Variants in GLYATL2 observed in about 807,000 individuals in gnomAD.
GLYATL2 encodes glycine N-acyltransferase-like protein 2.
A neutral mutation model predicts 21.4 loss-of-function variants in GLYATL2; 25 were observed. That is an observed-to-expected ratio of 1.17 (90% CI 0.85 to 1.63). The LOEUF (loss-of-function observed/expected upper bound fraction) is 1.63, where lower values mean the gene tolerates loss of function less well. Among genes scored for constraint, GLYATL2 ranks in the 40% most tolerant of loss-of-function variants. GLYATL2 has a pLI of 0.00. For synonymous variants in GLYATL2, 114 were observed against 118.2 expected (o/e 0.96, Z 0.23); for missense variants, 361 against 343.3 (o/e 1.05, Z -0.41).
At chr11:58,907,217 GTCTC>G (rs141204903), upstream of GLYATL2, 7 of 450,884 alleles carry the variant, frequency 1.6e-5, no homozygotes, top group Admixed American at 1.4e-4. Context: ...TGAGTTTTCT[GTCTC>G]TCTCTCTCTG....
chr11:58,879,167 C>T (rs979279037), intron 1 of GLYATL2, among the ~76,000 whole-genome samples: 3 of 34,036 alleles, frequency 8.8e-5, no homozygotes, highest in Non-Finnish European at 1.6e-4. Context: ...ACTATGGTTC[C>T]AGTCCCTTCC....
At chr11:58,877,919 C>A (rs1439583655) in intron 1 of GLYATL2, among the ~76,000 whole-genome samples, 1 of 152,194 alleles carries the variant, frequency 6.6e-6, no homozygotes, top group Non-Finnish European at 1.5e-5. Flanking sequence ...AATAGTCAGA[C>A]AAAATTGAAA....
intron 1 of GLYATL2, among the ~76,000 whole-genome samples, chr11:58,856,614 T>G (rs1300655726): frequency 1.3e-5 from 2 of 152,216 alleles, no homozygotes; most frequent in African/African-American, 2.4e-5. Context: ...CTGGCGTAAT[T>G]TAAATGTTGT....
In GLYATL2 at chr11:58,834,927, A is replaced by G. The variant is rs980345335; in HGVS notation, c.477-90T>C. The G allele has an allele frequency of 2.4e-5, 23 of 962,594 alleles. No homozygotes were observed. The African/African-American group carries it at 3.7e-4, about 15-fold the overall frequency. The allele number at this position is 962,594 out of a possible 1,614,324, so 59.6% of individuals were successfully genotyped here. On this transcript the variant is annotated intron_variant, in intron 5 of 5. Coordinates refer to ENST00000287275, the MANE Select transcript of GLYATL2 (RefSeq NM_145016.4). The stretch of plus-strand genomic sequence containing the variant: ...TAAATATAACACCATTCCTTTCCTT[A>G]AGGACCCTACAGCCTGGAGGAGGCA...
chr11:58,891,366 A>G (rs1410677386), intron 1 of GLYATL2, among the ~76,000 whole-genome samples: 1 of 152,232 alleles, frequency 6.6e-6, no homozygotes, highest in Admixed American at 6.5e-5. Context: ...AACACTACAT[A>G]AATTACCCAG....
intron 1 of GLYATL2, among the ~76,000 whole-genome samples, chr11:58,870,575 T>C (rs889232729): frequency 1.5e-4 from 23 of 152,308 alleles, no homozygotes; most frequent in African/African-American, 5.3e-4. Flanking sequence ...TGCCAAGAAC[T>C]GTGAAGCATC....
chr11:58,842,627 T>G (rs546395905), intron 1 of GLYATL2, among the ~76,000 whole-genome samples: 9 of 151,784 alleles, frequency 5.9e-5, no homozygotes, highest in Non-Finnish European at 1.0e-4. Context: ...AAAAAGCCAG[T>G]TGAAAAATGA....
chr11:58,885,239 A>AGT (rs1854415017), intron 1 of GLYATL2, among the ~76,000 whole-genome samples: 1 of 152,164 alleles, frequency 6.6e-6, no homozygotes, highest in African/African-American at 2.4e-5. Flanking sequence ...TCACAAGGAC[A>AGT]CCTATCTGTG....
chr11:58,885,516 T>G (rs1408407301), intron 1 of GLYATL2: 3 of 492,050 alleles, frequency 6.1e-6, no homozygotes, highest in Non-Finnish European at 1.2e-5. Context: ...GAGTATCAGA[T>G]AGTTATTATC....
intron 1 of GLYATL2, among the ~76,000 whole-genome samples, chr11:58,866,550 T>C (rs970749516): frequency 2.0e-5 from 3 of 148,950 alleles, no homozygotes; most frequent in Non-Finnish European, 4.5e-5. Context: ...TTAGGAATTC[T>C]GAGATACAGC....
chr11:58,865,372 A>G (rs921217889), intron 1 of GLYATL2, among the ~76,000 whole-genome samples: 3 of 149,082 alleles, frequency 2.0e-5, no homozygotes, highest in African/African-American at 7.3e-5. Flanking sequence ...TTGTTGTTCA[A>G]GATATTCAAG....
At chr11:58,905,267 G>A (rs1420724459), upstream of GLYATL2, 5 of 362,096 alleles carry the variant, frequency 1.4e-5, no homozygotes, top group Admixed American at 7.1e-5. Flanking sequence ...TTGCGGAGCA[G>A]GCCAAGTCCC....
chr11:58,843,872 G>C (rs1024073681), intron 1 of GLYATL2, among the ~76,000 whole-genome samples: 7 of 152,146 alleles, frequency 4.6e-5, no homozygotes, highest in African/African-American at 1.7e-4. Context: ...AGAAGGGAAT[G>C]GGAGTTTCAG....
At chr11:58,841,875 G>T in intron 1 of GLYATL2, among the ~76,000 whole-genome samples, 1 of 152,200 alleles carries the variant, frequency 6.6e-6, no homozygotes, top group East Asian at 1.9e-4. Context: ...GTTAGGAGTT[G>T]ATTACTGACT....
chr11:58,847,378 G>A (rs1400642390), upstream of GLYATL2, among the ~76,000 whole-genome samples: 2 of 152,174 alleles, frequency 1.3e-5, no homozygotes, highest in Non-Finnish European at 2.9e-5. Flanking sequence ...GCATGGTAGA[G>A]CAGCAAGTGG....
intron 5 of GLYATL2, among the ~76,000 whole-genome samples, chr11:58,836,747 G>A (rs1276687310): frequency 6.6e-6 from 1 of 152,066 alleles, no homozygotes; most frequent in Non-Finnish European, 1.5e-5. Context: ...AATAGTTTCA[G>A]TAAACATGTT....
chr11:58,839,016 G>A (rs1644217069), intron 2 of GLYATL2, among the ~76,000 whole-genome samples: 1 of 152,174 alleles, frequency 6.6e-6, no homozygotes, highest in African/African-American at 2.4e-5. Context: ...ATGATTAAGA[G>A]TATGGCAGAT....
intron 1 of GLYATL2, among the ~76,000 whole-genome samples, chr11:58,863,855 G>T (rs1420284946): frequency 1.3e-5 from 2 of 152,224 alleles, no homozygotes; most frequent in Admixed American, 6.5e-5. Context: ...CCCAATACTG[G>T]AGTCAACTGT....
chr11:58,844,219 A>G (rs1590717882), intron 1 of GLYATL2, among the ~76,000 whole-genome samples: 1 of 152,298 alleles, frequency 6.6e-6, no homozygotes, highest in East Asian at 1.9e-4. Context: ...ACAAATTCAA[A>G]AGGATACGCA....
Sources: gnomAD v4.1 joint callset for allele counts (sites outside exome capture counted in the v4.1 genomes callset) on GRCh38, gnomAD v4.1.1 for gene constraint, MANE v1.5 for transcripts, NCBI Gene and HGNC (gene_info 2026-07-23, HGNC 2026-07-21) for gene names.